CPLANE1: variants seen among roughly 807,000 people sequenced by gnomAD.
CPLANE1 encodes the protein ciliogenesis and planar polarity effector 1.
CPLANE1 carries 263 observed loss-of-function variants against 362.5 expected under a neutral mutation model. That is an observed-to-expected ratio of 0.73 (90% CI 0.66 to 0.80). CPLANE1 has a LOEUF of 0.80. Among genes scored for constraint, CPLANE1 ranks in the 30% least tolerant of loss-of-function variants. The pLI is 0.00. For missense variants in CPLANE1, 3,461 were observed against 3,793.4 expected, an observed-to-expected ratio of 0.91 and a Z score of 2.30; for synonymous variants, 1,212 against 1,302.6, an observed-to-expected ratio of 0.93 and a Z score of 1.50.
chr5:37,211,903 C>A, intron 16 of CPLANE1: 3 of 790,016 alleles, frequency 3.8e-6, no homozygotes, highest in Admixed American at 3.4e-5. Flanking sequence ...CCCTCTCCTG[C>A]CGGGGATATG....
At chr5:37,175,257 C>G (rs1326782987) in intron 31 of CPLANE1, among the ~76,000 whole-genome samples, 3 of 152,182 alleles carry the variant, frequency 2.0e-5, no homozygotes, top group Non-Finnish European at 4.4e-5. Flanking sequence ...GCTGTAGGTA[C>G]AGCTGGATGT....
In CPLANE1 at chr5:37,173,821, A is replaced by G; in HGVS notation, c.6105T>C (p.Ala2035=). ...PQKTQRNEFT[A]QLPDCSESVR... is the part of the protein sequence containing the mutation. ...CGGACTCCGAACAATCTGGTAACTG[A>G]GCCGTGAATTCATTTCTCTGGGTCT... Residue 2035 remains alanine (A), a synonymous_variant, in exon 32 of 53, where the codon GCT becomes GCC. Transcript: ENST00000651892. The G allele has an allele frequency of 2.5e-6, 4 of 1,614,156 alleles. No individual in the cohort carries two copies. The highest frequency in any genetic ancestry group is 2.2e-5 in the South Asian group (2 of 91,078).
rs1787303051 is a variant in CPLANE1, at chr5:37,196,008, G to C, written c.3673-12C>G. ...CCTTTCATTCGAATCTAAAAGTAAA[G>C]AATAACCGAACATGTTAATTATCAG... On this transcript the variant is annotated splice_polypyrimidine_tract_variant and intron_variant, in intron 20 of 52. Transcript: ENST00000651892. 1 of 1,583,630 alleles carries C rather than the reference G, an allele frequency of 6.3e-7. No individual in the cohort carries two copies.
intron 8 of CPLANE1, 135 bp downstream of exon 8, chr5:37,238,722 C>A (rs1799618076): frequency 2.2e-6 from 1 of 446,980 alleles, no homozygotes; most frequent in East Asian, 3.5e-5. Flanking sequence ...TGGTCTCAAA[C>A]TCCTGAGCTC....
Position 37,226,878 on chromosome 5 carries a change from G to A in CPLANE1, c.1717C>T (p.Gln573Ter). 1 of 1,551,262 alleles carries A rather than the reference G, an allele frequency of 6.4e-7. No individual in the cohort carries two copies. Among genetic ancestry groups the A allele is most frequent in the Non-Finnish European group, 8.7e-7 (1 of 1,146,818 alleles). Reference sequence around the variant, plus strand: ...GTCCACGCTGCAAGTAGACTTTTCTGGATAGAATGCAGTTCTGTAATGGTT... The same window carrying A: ...GTCCACGCTGCAAGTAGACTTTTCTAGATAGAATGCAGTTCTGTAATGGTT... ...DRTITELHSIQKSLLAAWTIG... is the reference protein window; with the variant it reads ...DRTITELHSI Residue 573 changes from glutamine to a stop codon, truncating the protein, a stop_gained, in exon 12 of 53, where the codon CAG becomes TAG. Transcript: ENST00000651892. LOFTEE classifies it high-confidence loss of function.
chr5:37,106,735 C>T lies in CPLANE1; in HGVS notation c.*867G>A, dbSNP rs1356529884. 2 of 639,902 alleles carry T rather than the reference C, an allele frequency of 3.1e-6. No individual in the cohort carries two copies. The highest frequency in any genetic ancestry group is 4.0e-5 in the African/African-American group (2 of 50,416). The allele number at this position is 639,902 out of a possible 1,614,324, so 39.6% of individuals were successfully genotyped here. A position where few individuals can be genotyped will look rare whatever the true frequency, so the allele number is the denominator to read the frequency against. ...ACATGTTGTAAAACCTGGCTTCACA[C>T]AGGTAGATATTTGGAAAAAGAGGGG... On this transcript the variant is annotated 3_prime_UTR_variant, in exon 53 of 53. Transcript: ENST00000651892.
intron 39 of CPLANE1, 117 bp downstream of exon 39, chr5:37,158,107 A>T (rs1486490079): frequency 8.4e-7 from 1 of 1,190,744 alleles, no homozygotes; most frequent in Admixed American, 2.4e-5. Context: ...CTTTACTACA[A>T]AGCTACATAG....
At chr5:37,161,914 A>G (rs1474546650) in intron 38 of CPLANE1, among the ~76,000 whole-genome samples, 1 of 152,228 alleles carries the variant, frequency 6.6e-6, no homozygotes, top group East Asian at 1.9e-4. Flanking sequence ...TACATGGGTA[A>G]AAGAAATTGT....
chr5:37,240,508 G>T (rs1256752930), intron 6 of CPLANE1, among the ~76,000 whole-genome samples: 1 of 152,172 alleles, frequency 6.6e-6, no homozygotes, highest in Non-Finnish European at 1.5e-5. Flanking sequence ...ATTTTCCCAA[G>T]AGAGGGAGCA....
At chr5:37,130,247 G>A (rs1039458836) in intron 46 of CPLANE1, among the ~76,000 whole-genome samples, 1 of 152,116 alleles carries the variant, frequency 6.6e-6, no homozygotes, top group Non-Finnish European at 1.5e-5. Context: ...AAGGGTGGGA[G>A]GTGGGTGAGG....
intron 46 of CPLANE1, among the ~76,000 whole-genome samples, chr5:37,131,515 A>ATTTTTTTTTAGTAAAAAAAAAT (rs1765781578): frequency 6.6e-6 from 1 of 151,200 alleles, no homozygotes; most frequent in African/African-American, 2.4e-5. Flanking sequence ...ACTGTATTTA[A>ATTTTTTTTTAGTAAAAAAAAAT]TTTTTTTTTA....
At chr5:37,155,261 C>G (rs1774745312) in intron 41 of CPLANE1, among the ~76,000 whole-genome samples, 1 of 152,244 alleles carries the variant, frequency 6.6e-6, no homozygotes, top group Non-Finnish European at 1.5e-5. Flanking sequence ...ATATGACAGA[C>G]AATGGCACAC....
the CPLANE1 span, among the ~76,000 whole-genome samples, chr5:37,083,605 A>G: frequency 6.6e-6 from 1 of 152,250 alleles, no homozygotes; most frequent in Non-Finnish European, 1.5e-5. Context: ...CTGCAGGGAA[A>G]CAATGGAAAC....
intron 21 of CPLANE1, among the ~76,000 whole-genome samples, chr5:37,194,068 C>T (rs979662011): frequency 1.3e-5 from 2 of 151,962 alleles, no homozygotes; most frequent in South Asian, 2.1e-4. Flanking sequence ...ATTACAGGTG[C>T]ACACCACTAT....
intron 42 of CPLANE1, among the ~76,000 whole-genome samples, chr5:37,153,353 TC>T (rs1018300594): frequency 3.3e-5 from 5 of 152,212 alleles, no homozygotes; most frequent in African/African-American, 1.2e-4. Flanking sequence ...GGTAATATTT[TC>T]CAACTCATTT....
chr5:37,176,050 G>C (rs1781079465), intron 30 of CPLANE1, 64 bp from the exon 31 acceptor site: 2 of 1,058,656 alleles, frequency 1.9e-6, no homozygotes, highest in East Asian at 4.7e-5. Context: ...TAAGGTATGA[G>C]TGATCTATGC....
At chr5:37,242,156 C>T (rs772410049) in intron 6 of CPLANE1, among the ~76,000 whole-genome samples, 2 of 151,772 alleles carry the variant, frequency 1.3e-5, no homozygotes, top group Non-Finnish European at 2.9e-5. Context: ...TAGTTCAAGA[C>T]CACCTGACTA....
At chr5:37,121,484 C>T in intron 49 of CPLANE1, 133 bp downstream of exon 49, 1 of 806,550 alleles carries the variant, frequency 1.2e-6, no homozygotes, top group Non-Finnish European at 2.0e-6. Flanking sequence ...TATGAGGCTA[C>T]TTTTTTCCTT....
intron 8 of CPLANE1, among the ~76,000 whole-genome samples, chr5:37,232,924 A>G (rs1798074286): frequency 6.6e-6 from 1 of 151,478 alleles, no homozygotes; most frequent in Non-Finnish European, 1.5e-5. Flanking sequence ...CTCCATGGAG[A>G]GGAACCATGG....
Sources: gnomAD v4.1 joint callset for allele counts (sites outside exome capture counted in the v4.1 genomes callset) on GRCh38, gnomAD v4.1.1 for gene constraint, MANE v1.5 for transcripts, NCBI Gene and HGNC (gene_info 2026-07-23, HGNC 2026-07-21) for gene names.